Variants in MAST4 observed in about 807,000 individuals in gnomAD.
MAST4 encodes microtubule-associated serine/threonine-protein kinase 4.
A neutral mutation model predicts 162.7 loss-of-function variants in MAST4; 89 were observed. The observed-to-expected ratio is 0.55, with a 90% CI of 0.46 to 0.65. MAST4 has a LOEUF of 0.65. Ranked by LOEUF, MAST4 falls within the 30% of genes least tolerant of loss-of-function variation. The pLI is 0.00. For synonymous variants in MAST4, 1,479 were observed against 1,361.1 expected, an observed-to-expected ratio of 1.09 and a Z score of -1.91; for missense variants, 3,153 against 3,374.0, an observed-to-expected ratio of 0.93 and a Z score of 1.62.
At chr5:67,096,983 A>C (rs1764536391) in intron 7 of MAST4, among the ~76,000 whole-genome samples, 1 of 152,162 alleles carries the variant, frequency 6.6e-6, no homozygotes, top group Non-Finnish European at 1.5e-5. Flanking sequence ...TTCTTATGGC[A>C]GTCACTATCA....
chr5:66,828,931 A>G (rs1180968278), intron 3 of MAST4: 3 of 1,465,336 alleles, frequency 2.0e-6, no homozygotes, highest in East Asian at 2.4e-5. Context: ...GTGGCCAGCC[A>G]TTGAGGATTT....
intron 4 of MAST4, among the ~76,000 whole-genome samples, chr5:66,934,811 G>A (rs1468235924): frequency 6.6e-6 from 1 of 152,152 alleles, no homozygotes; most frequent in Non-Finnish European, 1.5e-5. Context: ...GGGTGGCAGA[G>A]AATGTTGTCA....
At position 67,165,693 on chromosome 5, in the gene MAST4, C is replaced by G; in HGVS notation, c.6514C>G (p.Pro2172Ala). Reference protein sequence around the residue: ...EPGAKPSTAEPSSSPQDPPKP... With the variant: ...EPGAKPSTAEASSSPQDPPKP... ...GGGGGCCAAGCCCAGCACTGCAGAG[C>G]CCAGCTCGAGCCCCCAGGACCCTCC... The change falls in exon 29 of 29, where the codon CCC becomes GCC. Residue 2172 changes from proline to alanine, a missense_variant. By Grantham distance (27) the Pro-to-Ala change is conservative (BLOSUM62 -1). Around this residue, in one of 7 missense-constraint regions of MAST4, gnomAD observed 1,644 missense variants for 1,495.0 expected, o/e 1.10. Coordinates refer to ENST00000403625, the MANE Select transcript of MAST4 (RefSeq NM_001164664.2). 13 of 1,582,506 alleles carry G rather than the reference C, an allele frequency of 8.2e-6. No homozygotes were observed. The highest frequency in any genetic ancestry group is 1.1e-5 in the Non-Finnish European group (13 of 1,165,226).
At chr5:66,926,557 T>TC (rs1491232478) in intron 4 of MAST4, among the ~76,000 whole-genome samples, 819 of 62,306 alleles carry the variant, frequency 0.013, 3 homozygotes, top group Middle Eastern at 0.054. Context: ...TCTTTCTCTC[T>TC]TTCTCTCTCT....
At chr5:66,862,346 T>A (rs959622980) in intron 3 of MAST4, among the ~76,000 whole-genome samples, 10 of 152,206 alleles carry the variant, frequency 6.6e-5, no homozygotes, top group African/African-American at 1.7e-4. Context: ...GTGATATCAT[T>A]AGATTTTTTT....
intron 1 of MAST4, among the ~76,000 whole-genome samples, chr5:66,616,616 C>T (rs1455831143): frequency 6.6e-6 from 1 of 152,136 alleles, no homozygotes; most frequent in African/African-American, 2.4e-5. Flanking sequence ...CTCTTCTGGA[C>T]TGACAAGTTC....
chr5:66,597,340 G>A (rs368103505), intron 1 of MAST4, among the ~76,000 whole-genome samples: 12 of 152,344 alleles, frequency 7.9e-5, no homozygotes, highest in African/African-American at 2.2e-4. Flanking sequence ...CATCTGGCGT[G>A]TCCCCACAAC....
intron 1 of MAST4, among the ~76,000 whole-genome samples, chr5:66,655,192 A>G (rs980115236): frequency 6.6e-6 from 1 of 152,146 alleles, no homozygotes; most frequent in Non-Finnish European, 1.5e-5. Flanking sequence ...AGTGCTTCAT[A>G]ACTGTCTCTA....
At chr5:66,681,422 C>T (rs1455537244) in intron 1 of MAST4, among the ~76,000 whole-genome samples, 1 of 152,188 alleles carries the variant, frequency 6.6e-6, no homozygotes, top group Non-Finnish European at 1.5e-5. Context: ...TGCATCAGAT[C>T]ACCTGGGGTC....
intron 1 of MAST4, among the ~76,000 whole-genome samples, chr5:66,754,604 C>T (rs1038553213): frequency 1.3e-5 from 2 of 151,920 alleles, no homozygotes; most frequent in Non-Finnish European, 2.9e-5. Flanking sequence ...TTGCTCTTTC[C>T]ACCAATATTT....
intron 1 of MAST4, among the ~76,000 whole-genome samples, chr5:66,652,930 C>G (rs1746320126): frequency 6.6e-6 from 1 of 152,188 alleles, no homozygotes; most frequent in Admixed American, 6.5e-5. Context: ...TGCTCTTGAT[C>G]TTTACCTTGT....
intron 4 of MAST4, among the ~76,000 whole-genome samples, chr5:66,945,680 A>G (rs1580969233): frequency 6.6e-6 from 1 of 152,138 alleles, no homozygotes. Flanking sequence ...TTTGGTAGGG[A>G]AAGCTTCTAA....
chr5:66,655,888 T>TA (rs1428409267), intron 1 of MAST4, among the ~76,000 whole-genome samples: 4 of 152,200 alleles, frequency 2.6e-5, no homozygotes, highest in Non-Finnish European at 5.9e-5. Context: ...TTAATATATT[T>TA]AAAAAATTGC....
intron 1 of MAST4, among the ~76,000 whole-genome samples, chr5:66,723,553 T>A (rs1276563802): frequency 6.6e-6 from 1 of 152,190 alleles, no homozygotes. Context: ...AGATGCTAAT[T>A]ATTTTTTATT....
chr5:67,104,643 T>C, intron 10 of MAST4, 68 bp downstream of exon 10: 1 of 1,282,572 alleles, frequency 7.8e-7, no homozygotes, highest in Non-Finnish European at 1.1e-6. Context: ...TTTTTTTTGC[T>C]TACAAGTTAT....
intron 4 of MAST4, chr5:67,003,861 G>A (rs1417477444): frequency 2.0e-5 from 3 of 152,092 alleles, no homozygotes; most frequent in African/African-American, 7.2e-5. Context: ...TGTAGTTGCC[G>A]GCCATGAAGC....
rs568038369 is a variant in MAST4 at position 66,967,233 on chromosome 5, A to G, written c.674+67251A>G. Among the ~76,000 whole-genome samples the G allele has an allele frequency of 5.3e-5, 8 of 152,216 alleles. No homozygotes were observed. The East Asian group carries it at 1.5e-3, about 29-fold the overall frequency. Reference sequence around the variant, plus strand: ...GCCCTTTTGAGGTGATGACACACAGAGTTTCTAAATATGACAATGGAAGAT... The same window carrying G: ...GCCCTTTTGAGGTGATGACACACAGGGTTTCTAAATATGACAATGGAAGAT... On this transcript the variant is annotated intron_variant, in intron 4 of 28. Transcript: ENST00000403625.
intron 4 of MAST4, among the ~76,000 whole-genome samples, chr5:67,024,187 T>C (rs1754331176): frequency 6.6e-6 from 1 of 151,520 alleles, no homozygotes; most frequent in Admixed American, 6.6e-5. Context: ...TTATTTCACT[T>C]AGCACAATGT....
At chr5:66,943,406 G>A (rs1743596457) in intron 4 of MAST4, among the ~76,000 whole-genome samples, 1 of 152,042 alleles carries the variant, frequency 6.6e-6, no homozygotes, top group African/African-American at 2.4e-5. Flanking sequence ...TGAGATAAAG[G>A]AATATTTAAA....
Sources: gnomAD v4.1 joint callset for allele counts (sites outside exome capture counted in the v4.1 genomes callset) on GRCh38, gnomAD v4.1.1 for gene constraint, gnomAD v4.1.1 regional missense constraint, MANE v1.5 for transcripts, NCBI Gene and HGNC (gene_info 2026-07-23, HGNC 2026-07-21) for gene names.